USH2A: variants seen among roughly 807,000 people sequenced by gnomAD.
The protein encoded by USH2A is Usher syndrome 2A (autosomal recessive, mild).
In USH2A, 443 loss-of-function variants were observed where a neutral mutation model predicts 538.9. That is an observed-to-expected ratio of 0.82 (90% CI 0.76 to 0.89). The LOEUF (loss-of-function observed/expected upper bound fraction) is 0.89, where lower values mean the gene tolerates loss of function less well. Among genes scored for constraint, USH2A ranks in the 40% least tolerant of loss-of-function variants. The probability of loss-of-function intolerance (pLI) is 0.00; values close to 1 mark genes in which losing one functional copy is unlikely to be tolerated. For missense variants in USH2A, 6,633 were observed against 6,324.8 expected (o/e 1.05, Z -1.65); for synonymous variants, 2,413 against 2,273.5 (o/e 1.06, Z -1.75).
chr1:215,877,967 T>C, intron 42 of USH2A, 87 bp from the exon 43 acceptor site: 1 of 1,549,170 alleles, frequency 6.5e-7, no homozygotes, highest in Non-Finnish European at 8.9e-7. Flanking sequence ...GGCATGTGCG[T>C]GTGATATATG....
chr1:216,370,755 G>A (rs2038698356), intron 3 of USH2A, among the ~76,000 whole-genome samples: 1 of 149,726 alleles, frequency 6.7e-6, no homozygotes, highest in African/African-American at 2.5e-5. Flanking sequence ...AGTTTTAAAT[G>A]GCAAATTTAA....
chr1:215,756,398 T>G (rs1432229293), intron 58 of USH2A, among the ~76,000 whole-genome samples: 2 of 152,210 alleles, frequency 1.3e-5, no homozygotes, highest in East Asian at 3.8e-4. Flanking sequence ...AACAGATATT[T>G]TGATAAACCA....
At chr1:215,738,112 T>C (rs1660206030) in intron 60 of USH2A, among the ~76,000 whole-genome samples, 1 of 152,124 alleles carries the variant, frequency 6.6e-6, no homozygotes, top group African/African-American at 2.4e-5. Flanking sequence ...TTTTATTACA[T>C]GTTTTGTAAA....
chr1:216,396,030 C>T (rs2039206021), intron 3 of USH2A, among the ~76,000 whole-genome samples: 1 of 152,162 alleles, frequency 6.6e-6, no homozygotes, highest in Non-Finnish European at 1.5e-5. Flanking sequence ...AGAGATGTCC[C>T]CTTTTCATTG....
intron 32 of USH2A, among the ~76,000 whole-genome samples, chr1:216,006,904 C>T (rs1008408683): frequency 3.3e-5 from 5 of 152,158 alleles, no homozygotes; most frequent in African/African-American, 4.8e-5. Flanking sequence ...CTAAATGCTT[C>T]TCAGTGATAT....
chr1:216,070,283 CT>C lies in USH2A; in HGVS notation c.5866del (p.Ser1956ValfsTer11), dbSNP rs766014032. The C allele has an allele frequency of 1.2e-6, 2 of 1,613,880 alleles. No homozygotes were observed. The highest frequency in any genetic ancestry group is 2.2e-5 in the South Asian group (2 of 91,078). ...GCGGACTCTTGAGGGAGTTGGCACA[CT>C]TTGTGGAGCTGTGAAGGAATAAAAG... ...RGRTTGAAPQ[S>X]VPTPSRVRSL... On this transcript the variant is annotated frameshift_variant, in exon 30 of 72. Transcript: ENST00000307340. LOFTEE classifies it high-confidence loss of function.
chr1:215,750,694 T>C (rs1660600071), intron 58 of USH2A, among the ~76,000 whole-genome samples: 2 of 152,058 alleles, frequency 1.3e-5, no homozygotes, highest in African/African-American at 4.8e-5. Context: ...ATTGAGAAAA[T>C]ATAGAATAGT....
chr1:216,085,719 A>AGTGT (rs140742468), intron 24 of USH2A, among the ~76,000 whole-genome samples: 8,099 of 143,654 alleles, frequency 0.056, 230 homozygotes, highest in Non-Finnish European at 0.065. Context: ...TGTGTACGTG[A>AGTGT]GTGTGTGTGT....
chr1:215,758,580 C>CA lies in USH2A; in HGVS notation c.11389+14_11389+15insT, dbSNP rs760771221. The CA allele has an allele frequency of 2.2e-6, 3 of 1,356,050 alleles. No individual in the cohort carries two copies. The highest frequency in any genetic ancestry group is 1.0e-6 in the Non-Finnish European group (1 of 970,796). The allele number at this position is 1,356,050 out of a possible 1,614,324, so 84.0% of individuals were successfully genotyped here. A position where few individuals can be genotyped will look rare whatever the true frequency, so the allele number is the denominator to read the frequency against. The stretch of plus-strand genomic sequence containing the variant: ...TGTTTACACACACACACACATACTT[C>CA]TTTTTTTTTTTTACCTGGTGGTATC... On this transcript the variant is annotated intron_variant, in intron 58 of 71. Coordinates refer to ENST00000307340, the MANE Select transcript of USH2A (RefSeq NM_206933.4).
Position 216,271,523 on chromosome 1 carries a change from A to G in USH2A, c.1971+17757T>C, listed in dbSNP as rs1014113464. ...GATATTCATGGCTTTTTGTTTTTTC[A>G]TTTTGTCCTACTTTAGACTTCTGTT... On this transcript the variant is annotated intron_variant, in intron 11 of 71. Coordinates refer to ENST00000307340, the MANE Select transcript of USH2A (RefSeq NM_206933.4). Among the ~76,000 whole-genome samples, 29 of 152,012 alleles carry G rather than the reference A, an allele frequency of 1.9e-4. 1 individual carries two copies. Among genetic ancestry groups the G allele is most frequent in the African/African-American group, 7.0e-4 (29 of 41,492 alleles).
chr1:216,268,427 C>T (rs934399473), intron 11 of USH2A, among the ~76,000 whole-genome samples: 2 of 152,070 alleles, frequency 1.3e-5, no homozygotes, highest in Non-Finnish European at 2.9e-5. Flanking sequence ...ACATGTTTAG[C>T]ATCATCTCTG....
At chr1:216,249,680 C>T (rs1217342768) in intron 12 of USH2A, among the ~76,000 whole-genome samples, 3 of 152,092 alleles carry the variant, frequency 2.0e-5, no homozygotes, top group Admixed American at 1.3e-4. Context: ...AGAGAAATCT[C>T]GTGTAATGCC....
In USH2A at chr1:215,680,244, T is replaced by C. The variant is rs200202244; in HGVS notation, c.12199A>G (p.Ser4067Gly). 3 of 1,614,168 alleles carry C rather than the reference T, an allele frequency of 1.9e-6. No homozygotes were observed. Among genetic ancestry groups the C allele is most frequent in the South Asian group, 1.1e-5 (1 of 91,088 alleles). Residue 4067 changes from serine to glycine, a missense_variant, in exon 62 of 72, where the codon AGT becomes GGT. Transcript: ENST00000307340. ...TLIQTLESSP[S>G]GLRNFIVEQK... ...TCTACTATAAAGTTTCTCAGTCCAC[T>C]TGGGGAAGATTCTAAGGTTTGAATC...
chr1:215,628,738 T>G lies in USH2A; in HGVS notation c.15519+76A>C, dbSNP rs1420466164. On this transcript the variant is annotated intron_variant, in intron 71 of 71. Transcript: ENST00000307340. The stretch of plus-strand genomic sequence containing the variant: ...GCGAGTGCCATGGGGCAGCATTCGG[T>G]GAAGTACAGGCAGCTCTGTACCAAT... 7 of 1,497,822 alleles carry G rather than the reference T, an allele frequency of 4.7e-6. No individual in the cohort carries two copies. The South Asian group carries it at 7.9e-5, about 17-fold the overall frequency. The allele number at this position is 1,497,822 out of a possible 1,614,324, so 92.8% of individuals were successfully genotyped here. A position where few individuals can be genotyped will look rare whatever the true frequency, so the allele number is the denominator to read the frequency against.
intron 61 of USH2A, among the ~76,000 whole-genome samples, chr1:215,711,109 A>G (rs2102698328): frequency 6.6e-6 from 1 of 152,324 alleles, no homozygotes; most frequent in East Asian, 1.9e-4. Context: ...ATAGAAGCAT[A>G]TAATCTTTGA....
intron 21 of USH2A, among the ~76,000 whole-genome samples, chr1:216,107,652 C>T (rs757999340): frequency 5.6e-4 from 83 of 147,956 alleles, no homozygotes; most frequent in African/African-American, 2.0e-3. Context: ...TACCATCTTG[C>T]TATTTGAATT....
rs35694146 is a variant in USH2A, at chr1:215,722,067, T to TA, written c.12066+5962dup. 1.4e-3 allele frequency among the ~76,000 whole-genome samples: 205 copies of TA among 141,894 alleles called. 3 individuals are homozygous for TA. Among genetic ancestry groups the TA allele is most frequent in the South Asian group, 6.8e-4 (3 of 4,410 alleles). The allele number at this position is 141,894 out of a possible 152,430, so 93.1% of individuals were successfully genotyped here. A position where few individuals can be genotyped will look rare whatever the true frequency, so the allele number is the denominator to read the frequency against. On this transcript the variant is annotated intron_variant, in intron 61 of 71. Coordinates refer to ENST00000307340, the MANE Select transcript of USH2A (RefSeq NM_206933.4). ...GTGACAGAGCAAGACCCTGTCTCTT[T>TA]AAAAAAAAAAAAAAAAAGGGTTAGG... is the stretch of plus-strand genomic sequence containing the variant.
chr1:216,206,927 G>T (rs530313449), intron 16 of USH2A, among the ~76,000 whole-genome samples: 4 of 152,022 alleles, frequency 2.6e-5, no homozygotes, highest in Non-Finnish European at 5.9e-5. Context: ...TTTTTTCATA[G>T]ATTTTAACAA....
At chr1:216,143,406 T>C (rs934429587) in intron 21 of USH2A, among the ~76,000 whole-genome samples, 1 of 152,188 alleles carries the variant, frequency 6.6e-6, no homozygotes, top group African/African-American at 2.4e-5. Flanking sequence ...GGGCACCATT[T>C]CATAACTATT....
Sources: gnomAD v4.1 joint callset for allele counts (sites outside exome capture counted in the v4.1 genomes callset) on GRCh38, gnomAD v4.1.1 for gene constraint, MANE v1.5 for transcripts, NCBI Gene and HGNC (gene_info 2026-07-23, HGNC 2026-07-21) for gene names.